Variants in SOX6 observed in about 807,000 individuals in gnomAD.
SOX6 encodes the protein SRY-box transcription factor 6.
SOX6 carries 11 observed loss-of-function variants against 97.8 expected under a neutral mutation model. The ratio of observed to expected loss-of-function variants is 0.11; its 90% CI spans 0.07 to 0.19. The LOEUF is 0.19. Ranked by LOEUF, SOX6 falls within the 10% of genes least tolerant of loss-of-function variation. The pLI is 1.00. For missense variants in SOX6, 810 were observed against 1,039.5 expected, an observed-to-expected ratio of 0.78 and a Z score of 3.04; for synonymous variants, 360 against 371.4, an observed-to-expected ratio of 0.97 and a Z score of 0.35.
At chr11:16,494,612 C>T (rs1860564624) in intron 4 of SOX6, among the ~76,000 whole-genome samples, 1 of 152,120 alleles carries the variant, frequency 6.6e-6, no homozygotes. Flanking sequence ...AGTCAATAAT[C>T]ACCCTTCAAA....
intron 3 of SOX6, among the ~76,000 whole-genome samples, chr11:16,706,227 G>C (rs1848130928): frequency 6.7e-6 from 1 of 150,068 alleles, no homozygotes. Context: ...ATCACTTGAG[G>C]CCTCCAGTTT....
chr11:15,991,835 G>A (rs1013847614), intron 13 of SOX6, among the ~76,000 whole-genome samples: 6 of 152,096 alleles, frequency 3.9e-5, no homozygotes, highest in Non-Finnish European at 7.4e-5. Context: ...GAGTCTCCCA[G>A]ATATGCCATA....
intron 1 of SOX6, among the ~76,000 whole-genome samples, chr11:16,407,278 C>A (rs1197680152): frequency 6.6e-6 from 1 of 152,046 alleles, no homozygotes; most frequent in Non-Finnish European, 1.5e-5. Flanking sequence ...ACTAAAAATT[C>A]TTTTGAAGTC....
intron 1 of SOX6, among the ~76,000 whole-genome samples, chr11:16,417,767 G>A (rs1446471250): frequency 6.6e-6 from 1 of 152,104 alleles, no homozygotes; most frequent in Non-Finnish European, 1.5e-5. Context: ...ACCTTATGCA[G>A]ATATTGGTGC....
intron 13 of SOX6, among the ~76,000 whole-genome samples, chr11:15,991,428 G>A (rs769309203): frequency 4.0e-4 from 61 of 152,174 alleles, no homozygotes; most frequent in East Asian, 9.6e-4. Context: ...ATTCAGATAC[G>A]ACAGTGTCTT....
chr11:16,545,671 A>C (rs1035494962), intron 4 of SOX6, among the ~76,000 whole-genome samples: 1 of 152,094 alleles, frequency 6.6e-6, no homozygotes, highest in Non-Finnish European at 1.5e-5. Context: ...AGTCAAACTG[A>C]CCAGGCATGG....
chr11:16,111,824 G>C lies in SOX6; in HGVS notation c.877C>G (p.Pro293Ala), dbSNP rs76218238. 3.7e-5 allele frequency: 59 copies of C among 1,612,972 alleles called. No homozygotes were observed. The highest frequency in any genetic ancestry group is 8.3e-5 in the Admixed American group (5 of 59,952). Residue 293 changes from proline to alanine, a missense_variant, in exon 7 of 16, where the codon CCT becomes GCT. Physicochemically the swap from Pro to Ala is conservative, Grantham distance 27. Transcript: ENST00000683767. ...AAAQQGFLFP[P>A]GITYKPGDNY... ...TTACCTGGTTTGTATGTTATTCCAGGGGGGAAGAGGAATCCCTGTTGGGCA... is the reference window on the plus strand; with the variant it reads ...TTACCTGGTTTGTATGTTATTCCAGCGGGGAAGAGGAATCCCTGTTGGGCA...
At chr11:16,247,038 A>T (rs1853357411) in intron 3 of SOX6, among the ~76,000 whole-genome samples, 1 of 152,106 alleles carries the variant, frequency 6.6e-6, no homozygotes, top group Non-Finnish European at 1.5e-5. Flanking sequence ...CCCATCAACT[A>T]TCCCCATTTT....
In SOX6 at chr11:16,540,022, G is replaced by A. The variant is rs1053571007; in HGVS notation, n.610-63634C>T. 2.0e-5 allele frequency among the ~76,000 whole-genome samples: 3 copies of A among 152,098 alleles called. No individual in the cohort carries two copies. The South Asian group carries it at 6.2e-4, about 32-fold the overall frequency. On this transcript the variant is annotated intron_variant and non_coding_transcript_variant, in intron 4 of 5. Transcript: ENST00000524520. ...CTTGGCAGGGACACAACAAAAAAAA[G>A]AGAATTTTAGACCAATATCCTTGAT...
At chr11:16,072,765 A>G (rs1250640234) in intron 9 of SOX6, among the ~76,000 whole-genome samples, 1 of 152,190 alleles carries the variant, frequency 6.6e-6, no homozygotes, top group Non-Finnish European at 1.5e-5. Flanking sequence ...GAAACCCTAC[A>G]AGCCATAAGA....
rs1158692580 is a variant in SOX6, at chr11:16,049,958, A to T, written c.1252-20T>A. 3 of 1,612,844 alleles carry T rather than the reference A, an allele frequency of 1.9e-6. No homozygotes were observed. Among genetic ancestry groups the T allele is most frequent in the Non-Finnish European group, 2.5e-6 (3 of 1,179,028 alleles). Reference sequence around the variant, plus strand: ...TTCATCCTACAAGAGTTTAACGTAAATAATTATTTTTACAAAAGACAAATG... The same window carrying T: ...TTCATCCTACAAGAGTTTAACGTAATTAATTATTTTTACAAAAGACAAATG... On this transcript the variant is annotated intron_variant, in intron 10 of 15. Transcript: ENST00000683767.
At chr11:16,448,795 A>G (rs1421333814) in intron 1 of SOX6, among the ~76,000 whole-genome samples, 1 of 152,102 alleles carries the variant, frequency 6.6e-6, no homozygotes, top group Non-Finnish European at 1.5e-5. Flanking sequence ...ATTCTGGGAG[A>G]CCAAGGCAGG....
At chr11:16,670,009 C>T (rs1462292963) in intron 3 of SOX6, among the ~76,000 whole-genome samples, 2 of 152,170 alleles carry the variant, frequency 1.3e-5, no homozygotes, top group Admixed American at 6.5e-5. Context: ...ACCACAGCTA[C>T]CACAGGGTGA....
At chr11:16,577,946 T>C (rs1847997972) in intron 4 of SOX6, among the ~76,000 whole-genome samples, 1 of 152,202 alleles carries the variant, frequency 6.6e-6, no homozygotes, top group African/African-American at 2.4e-5. Context: ...ATTCATCTTT[T>C]CTCTTTTCAT....
chr11:16,078,475 A>G (rs552910897), intron 9 of SOX6, among the ~76,000 whole-genome samples: 1 of 152,314 alleles, frequency 6.6e-6, no homozygotes, highest in African/African-American at 2.4e-5. Flanking sequence ...AAATGAATAT[A>G]TGTCAATTTA....
chr11:16,337,204 A>T, intron 2 of SOX6, among the ~76,000 whole-genome samples: 1 of 152,020 alleles, frequency 6.6e-6, no homozygotes, highest in East Asian at 1.9e-4. Flanking sequence ...AAAGCAAAAG[A>T]AAAAAAAGTA....
chr11:16,685,692 C>T (rs188502808), intron 3 of SOX6, among the ~76,000 whole-genome samples: 30 of 152,386 alleles, frequency 2.0e-4, no homozygotes, highest in African/African-American at 7.2e-4. Context: ...AAGGTGCAAG[C>T]TGTCAGTGGA....
intron 4 of SOX6, among the ~76,000 whole-genome samples, chr11:16,487,255 G>T (rs1860451603): frequency 1.3e-5 from 2 of 152,136 alleles, no homozygotes; most frequent in Admixed American, 1.3e-4. Flanking sequence ...AAAAAATTAA[G>T]TCTTAGTTAT....
At chr11:16,666,502 G>C (rs958933578) in intron 3 of SOX6, among the ~76,000 whole-genome samples, 2 of 152,160 alleles carry the variant, frequency 1.3e-5, no homozygotes, top group Non-Finnish European at 2.9e-5. Context: ...CTTGAAGACA[G>C]GCTATTTGAA....
Sources: allele counts gnomAD v4.1 joint callset (sites outside exome capture counted in the v4.1 genomes callset), GRCh38; gene constraint gnomAD v4.1.1; transcripts MANE v1.5; gene names NCBI Gene and HGNC (gene_info 2026-07-23, HGNC 2026-07-21).